CPQ: variants seen among roughly 807,000 people sequenced by gnomAD.
The protein encoded by CPQ is Ser-Met dipeptidase.
In CPQ, 37 loss-of-function variants were observed where a neutral mutation model predicts 45.7. That is an observed-to-expected ratio of 0.81 (90% CI 0.62 to 1.07). CPQ has a LOEUF of 1.07. Ranked by LOEUF, CPQ falls within the 50% of genes least tolerant of loss-of-function variation. CPQ has a pLI of 0.00. For synonymous variants in CPQ, 186 were observed against 205.8 expected (o/e 0.90, Z 0.82); for missense variants, 537 against 572.9 (o/e 0.94, Z 0.64).
At chr8:96,996,461 C>G (rs1809180617) in intron 5 of CPQ, among the ~76,000 whole-genome samples, 1 of 151,928 alleles carries the variant, frequency 6.6e-6, no homozygotes, top group Non-Finnish European at 1.5e-5. Context: ...TCATGATTCT[C>G]TGCTTAATAA....
intron 5 of CPQ, among the ~76,000 whole-genome samples, chr8:96,994,317 G>A (rs1321679731): frequency 6.6e-6 from 1 of 152,088 alleles, no homozygotes; most frequent in African/African-American, 2.4e-5. Flanking sequence ...CTACTAGTAT[G>A]CAGAAAATCA....
rs894561413 is a variant in CPQ at position 96,735,239 on chromosome 8, C to G, written c.-34-49625C>G. On this transcript the variant is annotated intron_variant, in intron 1 of 7. Coordinates refer to ENST00000220763, the MANE Select transcript of CPQ (RefSeq NM_016134.4). ...GAGAACCAAATCTCCCTTGTTTATT[C>G]CTTTTATGTCTGTAGTACTAGCCTA... Among the ~76,000 whole-genome samples the G allele has an allele frequency of 2.6e-5, 4 of 152,154 alleles. No homozygotes were observed. In the South Asian group the frequency reaches 8.3e-4, roughly 31 times the overall value.
intron 1 of CPQ, among the ~76,000 whole-genome samples, chr8:96,690,928 A>G (rs1210422937): frequency 6.6e-6 from 1 of 152,208 alleles, no homozygotes; most frequent in Non-Finnish European, 1.5e-5. Flanking sequence ...AGCAACTGGC[A>G]ACCCAAATCC....
chr8:96,901,263 G>A (rs1254882115), intron 4 of CPQ, among the ~76,000 whole-genome samples: 1 of 152,158 alleles, frequency 6.6e-6, no homozygotes, highest in Non-Finnish European at 1.5e-5. Flanking sequence ...GCTGCTCATG[G>A]GGTCAGCTGA....
intron 1 of CPQ, among the ~76,000 whole-genome samples, chr8:96,677,261 A>G (rs1049237801): frequency 5.9e-5 from 9 of 152,316 alleles, no homozygotes; most frequent in African/African-American, 2.2e-4. Context: ...TGTTTTCCAC[A>G]GTGGTTGTAC....
intron 1 of CPQ, among the ~76,000 whole-genome samples, chr8:96,726,380 A>C (rs1427159687): frequency 6.6e-6 from 1 of 152,176 alleles, no homozygotes; most frequent in Non-Finnish European, 1.5e-5. Context: ...GAAATAACTG[A>C]AACTGGGTAA....
chr8:96,701,503 TGCATTTTCAAA>T (rs1291697397), intron 1 of CPQ, among the ~76,000 whole-genome samples: 3 of 152,194 alleles, frequency 2.0e-5, no homozygotes, highest in African/African-American at 7.2e-5. Flanking sequence ...ATGAAGTCAA[TGCATTTTCAAA>T]GCATTTTTCT....
chr8:97,049,389 T>A (rs143613705), intron 6 of CPQ, among the ~76,000 whole-genome samples: 20 of 152,330 alleles, frequency 1.3e-4, no homozygotes, highest in Middle Eastern at 3.4e-3. Flanking sequence ...CAGTCTGGCT[T>A]GTACTGCTTT....
chr8:96,790,594 T>C (rs376187646), intron 2 of CPQ, among the ~76,000 whole-genome samples: 18 of 152,160 alleles, frequency 1.2e-4, no homozygotes, highest in East Asian at 5.8e-4. Flanking sequence ...AAACTGAGAA[T>C]TGGGTGGAGA....
intron 5 of CPQ, among the ~76,000 whole-genome samples, chr8:96,989,160 C>G (rs529827149): frequency 6.6e-5 from 10 of 152,154 alleles, no homozygotes; most frequent in African/African-American, 2.4e-4. Flanking sequence ...CCTCTGCAGT[C>G]TCTAGAACTG....
chr8:97,073,517 C>T (rs755926106), intron 7 of CPQ, among the ~76,000 whole-genome samples: 1 of 152,198 alleles, frequency 6.6e-6, no homozygotes, highest in Admixed American at 6.5e-5. Context: ...AAGCAGACTT[C>T]GCCCTACTGG....
chr8:96,672,580 C>G (rs1270557414), intron 1 of CPQ, among the ~76,000 whole-genome samples: 1 of 151,992 alleles, frequency 6.6e-6, no homozygotes, highest in Non-Finnish European at 1.5e-5. Context: ...GAGTTCGAGA[C>G]CAGCCTGGCC....
chr8:96,850,248 C>T (rs1410518491), intron 3 of CPQ, among the ~76,000 whole-genome samples: 1 of 152,128 alleles, frequency 6.6e-6, no homozygotes, highest in African/African-American at 2.4e-5. Context: ...GGTAAGCTTT[C>T]CATGGGCTTT....
chr8:96,857,681 A>G (rs1811868960), intron 3 of CPQ, among the ~76,000 whole-genome samples: 1 of 152,152 alleles, frequency 6.6e-6, no homozygotes, highest in Non-Finnish European at 1.5e-5. Flanking sequence ...CTTCCTGTAT[A>G]CTGGTTCTCC....
intron 5 of CPQ, among the ~76,000 whole-genome samples, chr8:97,000,419 C>T (rs552923632): frequency 1.4e-3 from 218 of 151,830 alleles, no homozygotes; most frequent in Middle Eastern, 6.8e-3. Flanking sequence ...TTTTCATATA[C>T]GGTATAAGGA....
intron 1 of CPQ, among the ~76,000 whole-genome samples, chr8:96,781,293 C>T (rs1285164124): frequency 6.6e-6 from 1 of 152,084 alleles, no homozygotes; most frequent in African/African-American, 2.4e-5. Context: ...AATTGGTTTA[C>T]AATTCTAGAG....
intron 5 of CPQ, among the ~76,000 whole-genome samples, chr8:97,019,127 T>C (rs1809631218): frequency 6.6e-6 from 1 of 152,110 alleles, no homozygotes; most frequent in African/African-American, 2.4e-5. Context: ...CCCGGCGAAA[T>C]TAAGCTTCAT....
intron 3 of CPQ, among the ~76,000 whole-genome samples, chr8:96,851,434 G>A (rs1811769791): frequency 6.6e-6 from 1 of 152,116 alleles, no homozygotes. Flanking sequence ...GATCCTGGGA[G>A]GTCAAAAAAC....
At chr8:97,019,614 G>T (rs1809642377) in intron 5 of CPQ, among the ~76,000 whole-genome samples, 1 of 152,118 alleles carries the variant, frequency 6.6e-6, no homozygotes, top group Non-Finnish European at 1.5e-5. Context: ...GGCTCTAGCA[G>T]TTAAAAAAGA....
Sources: gnomAD v4.1 joint callset for allele counts (sites outside exome capture counted in the v4.1 genomes callset) on GRCh38, gnomAD v4.1.1 for gene constraint, MANE v1.5 for transcripts, NCBI Gene and HGNC (gene_info 2026-07-23, HGNC 2026-07-21) for gene names.